SSUH2: variants seen among roughly 807,000 people sequenced by gnomAD.
The protein encoded by SSUH2 is protein SSUH2 homolog.
SSUH2 carries 47 observed loss-of-function variants against 55.3 expected under a neutral mutation model. The observed-to-expected ratio is 0.85, with a 90% CI of 0.67 to 1.08. The LOEUF (loss-of-function observed/expected upper bound fraction) is 1.08. SSUH2 is among the 50% of genes least tolerant of loss of function. The pLI is 0.00. For missense variants in SSUH2, 535 were observed against 490.7 expected (o/e 1.09, Z -0.85); for synonymous variants, 212 against 191.5 (o/e 1.11, Z -0.89).
At position 8,630,787 on chromosome 3, in the gene SSUH2, T is replaced by C. The variant is rs762440535; in HGVS notation, c.525+18A>G. On this transcript the variant is annotated intron_variant, in intron 6 of 11. Transcript: ENST00000544814. The stretch of plus-strand genomic sequence containing the variant: ...GGGAGAAGGGCAAGTATTCCAGTAA[T>C]CGCGTTAATCGTATTACCTTGACCA... The C allele has an allele frequency of 7.3e-7, 1 of 1,363,402 alleles. No individual in the cohort carries two copies. Among genetic ancestry groups the C allele is most frequent in the Non-Finnish European group, 9.5e-7 (1 of 1,047,358 alleles). The allele number at this position is 1,363,402 out of a possible 1,614,324, so 84.5% of individuals were successfully genotyped here.
chr3:8,633,678 C>G lies in SSUH2; in HGVS notation c.327G>C (p.Gln109His), dbSNP rs2125183978. 1 of 1,526,128 alleles carries G rather than the reference C, an allele frequency of 6.6e-7. No individual in the cohort carries two copies. Among genetic ancestry groups the G allele is most frequent in the East Asian group, 2.3e-5 (1 of 44,094 alleles). The allele number at this position is 1,526,128 out of a possible 1,614,324, so 94.5% of individuals were successfully genotyped here. ...GDLVIQELKRQTLCRYRLETF... is the reference protein window; with the variant it reads ...GDLVIQELKRHTLCRYRLETF... ...CCTGGCCTCTCACCCTGCAGAGGGT[C>G]TGCCGCTTCAGCTCCTGGATGACGA... The change falls in exon 4 of 12, where the codon CAG (glutamine) becomes CAC (histidine). Residue 109 changes from glutamine to histidine, a missense_variant. Gln to His is a conservative substitution (Grantham distance 24). Transcript: ENST00000544814.
chr3:8,627,579 A>AGCTCTGCACGTAGTAGGT, intron 8 of SSUH2, 119 bp downstream of exon 8: 1 of 729,726 alleles, frequency 1.4e-6, no homozygotes, highest in Non-Finnish European at 2.1e-6. Flanking sequence ...CTACGTGCAG[A>AGCTCTGCACGTAGTAGGT]GCTCTGGGGA....
Position 8,630,840 on chromosome 3 carries a change from TG to T in SSUH2, c.489del (p.Arg164GlyfsTer170). On this transcript the variant is annotated frameshift_variant, in exon 6 of 12. Coordinates refer to ENST00000544814, the MANE Select transcript of SSUH2 (RefSeq NM_001256748.3). LOFTEE classifies it high-confidence loss of function. Reference protein sequence around the residue: ...VQGPPMFQEDTRKFQVPHSSL... With the variant: ...VQGPPMFQEDXRKFQVPHSSL... The stretch of plus-strand genomic sequence containing the variant: ...GACGAGTGAGGGACCTGGAACTTCC[TG>T]GTGTCTTCCTGAAACATCGGAGGAC... 1.3e-6 allele frequency: 2 copies of T among 1,503,018 alleles called. No homozygotes were observed. Among genetic ancestry groups the T allele is most frequent in the South Asian group, 1.4e-5 (1 of 72,832 alleles). The allele number at this position is 1,503,018 out of a possible 1,614,324, so 93.1% of individuals were successfully genotyped here. A position where few individuals can be genotyped will look rare whatever the true frequency, so the allele number is the denominator to read the frequency against.
At chr3:8,658,980 C>G (rs1448189165) in exon 7 of SSUH2, 1 of 152,256 alleles carries the variant, frequency 6.6e-6, no homozygotes. Context: ...TCCTTCACAG[C>G]AGCCCTAAGA....
At chr3:8,634,557 G>A (rs745460041) in intron 3 of SSUH2, 33 of 1,289,782 alleles carry the variant, frequency 2.6e-5, no homozygotes, top group South Asian at 1.4e-4. Context: ...AGAGGGGCCC[G>A]TCTGTCTTCA....
chr3:8,630,974 G>T (rs1302166032), intron 5 of SSUH2, 45 bp from the exon 6 acceptor site: 18 of 1,332,906 alleles, frequency 1.4e-5, no homozygotes, highest in Non-Finnish European at 1.7e-5. Flanking sequence ...AGGGCAGCAG[G>T]GATAAACTTT....
upstream of SSUH2, among the ~76,000 whole-genome samples, chr3:8,646,521 G>A (rs996303101): frequency 1.3e-5 from 2 of 152,218 alleles, no homozygotes; most frequent in Non-Finnish European, 2.9e-5. Flanking sequence ...CTGATCAGCA[G>A]AAATGACAGT....
upstream of SSUH2, among the ~76,000 whole-genome samples, chr3:8,649,689 C>T (rs1702164263): frequency 6.6e-6 from 1 of 152,100 alleles, no homozygotes; most frequent in Non-Finnish European, 1.5e-5. Flanking sequence ...CAGTCTGCTT[C>T]CTTGCTCCCA....
chr3:8,658,650 A>G (rs2125354129), intron 7 of SSUH2, among the ~76,000 whole-genome samples: 1 of 152,354 alleles, frequency 6.6e-6, no homozygotes, highest in South Asian at 2.1e-4. Context: ...TCTGGCTGCA[A>G]AAACAAGCCC....
At chr3:8,679,500 CT>C (rs1241340360) in intron 2 of SSUH2, among the ~76,000 whole-genome samples, 6 of 150,394 alleles carry the variant, frequency 4.0e-5, no homozygotes, top group Admixed American at 6.6e-5. Context: ...TATTCCCCCC[CT>C]GGCTTTGGGA....
At chr3:8,670,722 C>G (rs561839558) in intron 5 of SSUH2, among the ~76,000 whole-genome samples, 2 of 151,928 alleles carry the variant, frequency 1.3e-5, no homozygotes, top group East Asian at 3.9e-4. Context: ...ATATCACAAA[C>G]AATATCACAG....
At chr3:8,635,700 C>CA in intron 2 of SSUH2, 59 bp downstream of exon 2, 5 of 1,432,596 alleles carry the variant, frequency 3.5e-6, no homozygotes, top group Middle Eastern at 4.3e-4. Context: ...CGAGACATCC[C>CA]ACCAACCAGC....
At chr3:8,629,756 G>C in intron 6 of SSUH2, 30 bp from the exon 7 acceptor site, 1 of 1,608,916 alleles carries the variant, frequency 6.2e-7, no homozygotes, top group Non-Finnish European at 8.5e-7. Context: ...TTGGGATCTA[G>C]TTTCCCAAGG....
chr3:8,628,652 G>C (rs1474570105), intron 7 of SSUH2, among the ~76,000 whole-genome samples: 1 of 152,220 alleles, frequency 6.6e-6, no homozygotes, highest in East Asian at 1.9e-4. Context: ...AGAAGGCTGG[G>C]TGACAAGGCA....
At position 8,675,756 on chromosome 3, in the gene SSUH2, C is replaced by T. The variant is rs1313214068; in HGVS notation, c.-753+1450G>A. Among the ~76,000 whole-genome samples the T allele has an allele frequency of 1.1e-4, 16 of 152,120 alleles. 1 individual carries two copies. The highest frequency in any genetic ancestry group is 2.4e-4 in the Non-Finnish European group (16 of 68,026). On this transcript the variant is annotated intron_variant, in intron 3 of 18. Transcript: ENST00000317371. ...CACAAAGGGGGCTGGGACCGGGAAC[C>T]TTTGGAATGGGGATCCCAACAACAG...
At chr3:8,639,033 T>C (rs528782929) in intron 1 of SSUH2, among the ~76,000 whole-genome samples, 100 of 152,320 alleles carry the variant, frequency 6.6e-4, no homozygotes, top group African/African-American at 2.2e-3. Context: ...GCAGCTACAG[T>C]TCATCAGAGC....
chr3:8,669,831 G>T (rs1016167646), intron 5 of SSUH2, among the ~76,000 whole-genome samples: 20 of 152,154 alleles, frequency 1.3e-4, no homozygotes, highest in African/African-American at 4.6e-4. Context: ...GGTCATAAAA[G>T]GACAAGTACA....
At chr3:8,669,219 G>A (rs1202523423) in intron 5 of SSUH2, among the ~76,000 whole-genome samples, 2 of 152,172 alleles carry the variant, frequency 1.3e-5, no homozygotes, top group African/African-American at 2.4e-5. Flanking sequence ...AAGGACACAG[G>A]AGCCAACCTA....
intron 2 of SSUH2, among the ~76,000 whole-genome samples, chr3:8,679,070 G>A (rs578166735): frequency 1.9e-5 from 2 of 107,220 alleles, no homozygotes; most frequent in South Asian, 3.2e-4. Context: ...CACCCCCCGC[G>A]AGGCGGGGAC....
Sources: allele counts gnomAD v4.1 joint callset (sites outside exome capture counted in the v4.1 genomes callset), GRCh38; gene constraint gnomAD v4.1.1; transcripts MANE v1.5; gene names NCBI Gene and HGNC (gene_info 2026-07-23, HGNC 2026-07-21).